PTPRD: variants seen among roughly 807,000 people sequenced by gnomAD.
PTPRD encodes protein tyrosine phosphatase receptor type D, also known as receptor-type tyrosine-protein phosphatase delta.
PTPRD carries 34 observed loss-of-function variants against 214.5 expected under a neutral mutation model. That is an observed-to-expected ratio of 0.16 (90% CI 0.12 to 0.21). The LOEUF is 0.21. Among genes scored for constraint, PTPRD ranks in the 10% least tolerant of loss-of-function variants. The pLI is 1.00. For synonymous variants in PTPRD, 1,128 were observed against 845.7 expected (o/e 1.33, Z -5.79); for missense variants, 2,545 against 2,398.7 (o/e 1.06, Z -1.27).
chr9:9,560,764 C>G (rs1385660807), intron 8 of PTPRD, among the ~76,000 whole-genome samples: 1 of 152,070 alleles, frequency 6.6e-6, no homozygotes, highest in African/African-American at 2.4e-5. Context: ...AGCAGCAGCT[C>G]TCTTACACAG....
chr9:10,189,767 G>C (rs1375127771), intron 3 of PTPRD, among the ~76,000 whole-genome samples: 2 of 152,134 alleles, frequency 1.3e-5, no homozygotes, highest in Non-Finnish European at 2.9e-5. Flanking sequence ...AATTTTCTGA[G>C]AAATCAAAAC....
chr9:9,239,376 T>C (rs1304115546), intron 9 of PTPRD, among the ~76,000 whole-genome samples: 1 of 152,106 alleles, frequency 6.6e-6, no homozygotes, highest in African/African-American at 2.4e-5. Context: ...TACAAACATT[T>C]TTGCCTGGGA....
intron 7 of PTPRD, among the ~76,000 whole-genome samples, chr9:9,709,849 T>C (rs190274714): frequency 1.5e-3 from 232 of 152,240 alleles, no homozygotes; most frequent in African/African-American, 5.5e-3. Context: ...TTTCTCTATG[T>C]ATACGTATGT....
At chr9:8,852,599 T>C (rs1290856127) in intron 11 of PTPRD, among the ~76,000 whole-genome samples, 3 of 152,218 alleles carry the variant, frequency 2.0e-5, no homozygotes, top group African/African-American at 7.2e-5. Context: ...GTTGTCTCAA[T>C]ACTACTTGCC....
intron 3 of PTPRD, among the ~76,000 whole-genome samples, chr9:10,330,576 A>AGT (rs2096730837): frequency 6.6e-6 from 1 of 151,850 alleles, no homozygotes; most frequent in Non-Finnish European, 1.5e-5. Context: ...GCTATATTTT[A>AGT]TTGCATCACC....
intron 39 of PTPRD, among the ~76,000 whole-genome samples, chr9:8,362,399 T>C (rs1466369631): frequency 6.6e-6 from 1 of 152,198 alleles, no homozygotes; most frequent in Non-Finnish European, 1.5e-5. Context: ...AGGTCAATCA[T>C]TTTCAGACAC....
chr9:9,432,280 C>A (rs2083499122), intron 8 of PTPRD, among the ~76,000 whole-genome samples: 1 of 151,938 alleles, frequency 6.6e-6, no homozygotes, highest in Non-Finnish European at 1.5e-5. Context: ...TTATCTATTT[C>A]TGAAGCATGT....
chr9:8,443,259 G>A lies in PTPRD; in HGVS notation c.3988+6466C>T, dbSNP rs565704881. On this transcript the variant is annotated intron_variant, in intron 34 of 45. Transcript: ENST00000381196. ...AAATTTCAGAAAATAAAACAGAAAG[G>A]ACACATCCGGTATTCTTAACCTAGG... Among the ~76,000 whole-genome samples the A allele has an allele frequency of 6.5e-4, 99 of 152,188 alleles. 1 individual carries two copies. Among genetic ancestry groups the A allele is most frequent in the African/African-American group, 2.3e-3 (97 of 41,532 alleles).
chr9:8,593,566 C>G (rs925793994), intron 14 of PTPRD, among the ~76,000 whole-genome samples: 14 of 152,188 alleles, frequency 9.2e-5, no homozygotes, highest in African/African-American at 3.4e-4. Context: ...CATAGTATAG[C>G]TGGAGAAACA....
intron 4 of PTPRD, among the ~76,000 whole-genome samples, chr9:9,949,879 T>C (rs141570643): frequency 1.6e-4 from 24 of 152,344 alleles, no homozygotes; most frequent in African/African-American, 4.8e-4. Flanking sequence ...CATTGAGTTA[T>C]TGAATCATGG....
At chr9:8,325,050 C>A (rs1210012508) in intron 44 of PTPRD, among the ~76,000 whole-genome samples, 3 of 150,634 alleles carry the variant, frequency 2.0e-5, no homozygotes, top group Non-Finnish European at 4.4e-5. Flanking sequence ...TGTAGGTTGC[C>A]TGTTCACTCT....
At chr9:10,420,488 C>T (rs2098535919) in intron 2 of PTPRD, among the ~76,000 whole-genome samples, 1 of 151,778 alleles carries the variant, frequency 6.6e-6, no homozygotes, top group Admixed American at 6.6e-5. Flanking sequence ...GGGAAATAAT[C>T]TCTTGCTGAG....
At chr9:9,299,928 C>T (rs1010990462) in intron 9 of PTPRD, among the ~76,000 whole-genome samples, 1 of 150,136 alleles carries the variant, frequency 6.7e-6, no homozygotes, top group African/African-American at 2.4e-5. Context: ...TACGTGACAG[C>T]TATAGGCCTA....
intron 44 of PTPRD, among the ~76,000 whole-genome samples, chr9:8,320,896 TGCA>T (rs1417679972): frequency 6.6e-6 from 1 of 152,146 alleles, no homozygotes; most frequent in Non-Finnish European, 1.5e-5. Context: ...GAAAAATCCC[TGCA>T]TTTTTGGATC....
chr9:8,711,671 T>C (rs1461120921), intron 12 of PTPRD, among the ~76,000 whole-genome samples: 1 of 152,144 alleles, frequency 6.6e-6, no homozygotes, highest in East Asian at 1.9e-4. Context: ...TCTACAGAGA[T>C]TCTGATTAGG....
chr9:10,347,980 C>T (rs2097116999), intron 2 of PTPRD, among the ~76,000 whole-genome samples: 1 of 152,006 alleles, frequency 6.6e-6, no homozygotes, highest in Admixed American at 6.6e-5. Context: ...ATCGCTTGAA[C>T]CCAGGAGGTG....
At chr9:9,098,282 T>C (rs1476931606) in intron 10 of PTPRD, among the ~76,000 whole-genome samples, 1 of 152,092 alleles carries the variant, frequency 6.6e-6, no homozygotes, top group Non-Finnish European at 1.5e-5. Flanking sequence ...AGTATCATTT[T>C]TGTTGTTGTT....
At chr9:8,339,846 A>AC (rs1461570078) in intron 42 of PTPRD, among the ~76,000 whole-genome samples, 1 of 138,962 alleles carries the variant, frequency 7.2e-6, no homozygotes, top group Non-Finnish European at 1.5e-5. Flanking sequence ...AAAAAAAAAC[A>AC]AACCACTTTT....
At chr9:10,257,452 G>T (rs2093367372) in intron 3 of PTPRD, among the ~76,000 whole-genome samples, 1 of 152,094 alleles carries the variant, frequency 6.6e-6, no homozygotes, top group South Asian at 2.1e-4. Flanking sequence ...CCATCAGAGA[G>T]AAAAATTCAT....
Sources: gnomAD v4.1 joint callset for allele counts (sites outside exome capture counted in the v4.1 genomes callset) on GRCh38, gnomAD v4.1.1 for gene constraint, MANE v1.5 for transcripts, NCBI Gene and HGNC (gene_info 2026-07-23, HGNC 2026-07-21) for gene names.